The following MBTPS1 variants were observed in gnomAD, a reference collection of about 807,000 sequenced individuals.
MBTPS1 encodes the protein membrane-bound transcription factor site-1 protease.
MBTPS1 carries 94 observed loss-of-function variants against 127.8 expected under a neutral mutation model. The ratio of observed to expected loss-of-function variants is 0.74; its 90% CI spans 0.62 to 0.87. MBTPS1 has a LOEUF of 0.87. Among genes scored for constraint, MBTPS1 ranks in the 40% least tolerant of loss-of-function variants. The pLI, the probability that MBTPS1 is intolerant of heterozygous loss-of-function variation, is 0.00. For synonymous variants in MBTPS1, 632 were observed against 509.4 expected (o/e 1.24, Z -3.24); for missense variants, 1,636 against 1,353.2 (o/e 1.21, Z -3.28).
At chr16:84,070,516 T>C (rs1302771120) in intron 13 of MBTPS1, 72 bp downstream of exon 13, 2 of 1,485,984 alleles carry the variant, frequency 1.3e-6, no homozygotes, top group Non-Finnish European at 1.9e-6. Context: ...ACCCCAGGCA[T>C]TTGGCCTGTC....
At chr16:84,085,565 G>A (rs925058997) in intron 9 of MBTPS1, among the ~76,000 whole-genome samples, 2 of 50,018 alleles carry the variant, frequency 4.0e-5, no homozygotes, top group Non-Finnish European at 7.9e-5. Context: ...CCTCAGCCCC[G>A]CACCCGCCCC....
Position 84,090,919 on chromosome 16 carries a change from A to G in MBTPS1, c.987T>C (p.Asn329=), listed in dbSNP as rs761973743. ...TGCCAATAGCAGAAACCATGATTAC[A>G]TTGTTAGCTGTTAATTCCCACACCT... ...VDKVWELTAN[N]VIMVSAIGND... Residue 329 remains asparagine, a synonymous_variant, in exon 8 of 23, where the codon AAT becomes AAC. Coordinates refer to ENST00000343411, the MANE Select transcript of MBTPS1 (RefSeq NM_003791.4). 7 of 1,613,018 alleles carry G rather than the reference A, an allele frequency of 4.3e-6. No homozygotes were observed. The highest frequency in any genetic ancestry group is 5.9e-6 in the Non-Finnish European group (7 of 1,179,446).
At chr16:84,110,027 A>G (rs559272154) in intron 1 of MBTPS1, among the ~76,000 whole-genome samples, 13 of 152,326 alleles carry the variant, frequency 8.5e-5, no homozygotes, top group African/African-American at 2.9e-4. Flanking sequence ...GCCTGTTTCC[A>G]AAACAGGCAG....
chr16:84,059,632 G>C (rs1263149540), intron 20 of MBTPS1: 1 of 468,726 alleles, frequency 2.1e-6, no homozygotes, highest in Non-Finnish European at 3.9e-6. Context: ...CATTGCTGAA[G>C]GTGGGTGAGA....
At chr16:84,115,017 C>T (rs1419376817) in intron 1 of MBTPS1, among the ~76,000 whole-genome samples, 1 of 151,670 alleles carries the variant, frequency 6.6e-6, no homozygotes, top group Non-Finnish European at 1.5e-5. Flanking sequence ...CAACCTCTGC[C>T]GCCTGGGTTC....
chr16:84,069,785 T>G, intron 14 of MBTPS1, 81 bp downstream of exon 14: 1 of 1,316,862 alleles, frequency 7.6e-7, no homozygotes, highest in South Asian at 1.4e-5. Context: ...GAGCAACATC[T>G]TTCCAAGAGT....
Position 84,099,148 on chromosome 16 carries a change from T to C in MBTPS1, c.326A>G (p.Lys109Arg). 1 of 1,614,162 alleles carries C rather than the reference T, an allele frequency of 6.2e-7. No individual in the cohort carries two copies. The highest frequency in any genetic ancestry group is 8.5e-7 in the Non-Finnish European group (1 of 1,180,034). The change falls in exon 3 of 23, where the codon AAA (lysine) becomes AGA (arginine). Residue 109 changes from lysine to arginine, a missense_variant. Lys to Arg is a conservative substitution (Grantham distance 26). Transcript: ENST00000343411. ...SDFEVIQIKE[K>R]QKAGLLTLED... is the part of the protein sequence containing the mutation. ...AAGTGTTAGCAGCCCCGCTTTCTGT[T>C]TTTCTTTTATCTGAATCACCTCAAA... is the stretch of plus-strand genomic sequence containing the variant.
intron 1 of MBTPS1, among the ~76,000 whole-genome samples, chr16:84,103,160 C>G (rs1000284670): frequency 3.9e-5 from 6 of 152,060 alleles, no homozygotes; most frequent in African/African-American, 1.4e-4. Flanking sequence ...GTTGCACAGA[C>G]CATACCCGGG....
In MBTPS1 at chr16:84,093,054, A is replaced by C; in HGVS notation, c.846+134T>G. 4.4e-6 allele frequency: 3 copies of C among 676,106 alleles called. No individual in the cohort carries two copies. In the South Asian group the frequency reaches 5.2e-5, roughly 12 times the overall value. The allele number at this position is 676,106 out of a possible 1,614,324, so 41.9% of individuals were successfully genotyped here. ...GAGGCAGAGGAACAGTAAACTGAGC[A>C]TGCGTGCTGCAGTATGAATGGCTCA... On this transcript the variant is annotated intron_variant, in intron 6 of 22. Transcript: ENST00000343411.
rs993133319 is a variant in MBTPS1 at position 84,113,459 on chromosome 16, T to C, written c.-325+3276A>G. On this transcript the variant is annotated intron_variant, in intron 1 of 22. Transcript: ENST00000343411. ...ACTGAAAAAGACACCGTTCAAATTA[T>C]AGAAATAGAAAATAGTATTTAATGG... Among the ~76,000 whole-genome samples, 44 of 152,200 alleles carry C rather than the reference T, an allele frequency of 2.9e-4. 3 individuals carry two copies. The highest frequency in any genetic ancestry group is 2.4e-5 in the African/African-American group (1 of 41,444).
rs942805403 is a variant in MBTPS1, at chr16:84,099,169, T to G, written c.305A>C (p.Glu102Ala). Reference protein sequence around the residue: ...NPSSDYPSDFEVIQIKEKQKA... With the variant: ...NPSSDYPSDFAVIQIKEKQKA... Reference sequence around the variant, plus strand: ...CTGTTTTTCTTTTATCTGAATCACCTCAAAATCACTAGGGTAGTCACTGGA... The same window carrying G: ...CTGTTTTTCTTTTATCTGAATCACCGCAAAATCACTAGGGTAGTCACTGGA... Residue 102 changes from glutamate to alanine, a missense_variant, in exon 3 of 23, where the codon GAG (glutamate) becomes GCG (alanine). Glu to Ala is a moderately radical substitution (Grantham distance 107). Transcript: ENST00000343411. 4 of 1,614,156 alleles carry G rather than the reference T, an allele frequency of 2.5e-6. No individual in the cohort carries two copies. Among genetic ancestry groups the G allele is most frequent in the Middle Eastern group, 1.6e-4 (1 of 6,062 alleles).
chr16:84,073,228 G>C (rs551860245), intron 12 of MBTPS1, among the ~76,000 whole-genome samples: 2 of 152,174 alleles, frequency 1.3e-5, no homozygotes, highest in Admixed American at 6.5e-5. Context: ...CCGCCTCCCA[G>C]GTTCAAGCGA....
At chr16:84,090,504 G>A (rs1200961819) in intron 8 of MBTPS1, among the ~76,000 whole-genome samples, 1 of 152,148 alleles carries the variant, frequency 6.6e-6, no homozygotes, top group Non-Finnish European at 1.5e-5. Flanking sequence ...TCTTTACCCG[G>A]ATGCTTTGCA....
intron 14 of MBTPS1, among the ~76,000 whole-genome samples, chr16:84,069,425 T>C (rs1402291296): frequency 1.7e-5 from 2 of 118,052 alleles, no homozygotes; most frequent in Non-Finnish European, 3.9e-5. Flanking sequence ...TTAGAATTTG[T>C]TTTAAGATTA....
At chr16:84,084,289 T>G (rs2085986176) in intron 10 of MBTPS1, among the ~76,000 whole-genome samples, 1 of 152,226 alleles carries the variant, frequency 6.6e-6, no homozygotes, top group Non-Finnish European at 1.5e-5. Flanking sequence ...TTTCATTATC[T>G]GCAAGATTAA....
At chr16:84,067,617 A>C in intron 16 of MBTPS1, 50 bp downstream of exon 16, 1 of 1,425,450 alleles carries the variant, frequency 7.0e-7, no homozygotes, top group Non-Finnish European at 9.7e-7. Context: ...GCTGGGTAGA[A>C]TTTGATTCCC....
At chr16:84,094,806 A>T (rs927142061) in intron 4 of MBTPS1, among the ~76,000 whole-genome samples, 3 of 152,222 alleles carry the variant, frequency 2.0e-5, no homozygotes, top group African/African-American at 7.2e-5. Flanking sequence ...ATGAAATGCC[A>T]GTCCACCGGG....
At chr16:84,074,895 G>A (rs1034549619) in intron 11 of MBTPS1, 154 bp from the exon 12 acceptor site, 2 of 619,926 alleles carry the variant, frequency 3.2e-6, no homozygotes, top group Non-Finnish European at 5.5e-6. Context: ...CTTGGCTCTG[G>A]AATGCTCCTG....
At chr16:84,055,972 C>T (rs1284421713) in intron 22 of MBTPS1, 33 bp downstream of exon 22, 6 of 1,599,648 alleles carry the variant, frequency 3.8e-6, no homozygotes, top group Non-Finnish European at 5.1e-6. Flanking sequence ...TACAGGATGA[C>T]TGAGCACAAT....
Sources: allele counts gnomAD v4.1 joint callset (sites outside exome capture counted in the v4.1 genomes callset), GRCh38; gene constraint gnomAD v4.1.1; transcripts MANE v1.5; gene names NCBI Gene and HGNC (gene_info 2026-07-23, HGNC 2026-07-21).